ZNF737: variants seen among roughly 807,000 people sequenced by gnomAD.
ZNF737 encodes the protein zinc finger protein 102 (Y3).
ZNF737 carries 13 observed loss-of-function variants against 11.7 expected under a neutral mutation model. That is an observed-to-expected ratio of 1.11 (90% confidence interval 0.73 to 1.77). The LOEUF (loss-of-function observed/expected upper bound fraction) is 1.77, where lower values mean the gene tolerates loss of function less well. ZNF737 is among the 40% of genes most tolerant of loss of function. The pLI, the probability that ZNF737 is intolerant of heterozygous loss-of-function variation, is 0.00. For synonymous variants in ZNF737, 217 were observed against 216.2 expected (o/e 1.00, Z -0.03); for missense variants, 636 against 638.0 (o/e 1.00, Z 0.03).
chr19:20,542,659 T>C lies in ZNF737; in HGVS notation c.*1933A>G. The C allele has an allele frequency of 1.0e-6, 1 of 982,124 alleles. No individual in the cohort carries two copies. The highest frequency in any genetic ancestry group is 1.2e-6 in the Non-Finnish European group (1 of 826,948). The allele number at this position is 982,124 out of a possible 1,614,324, so 60.8% of individuals were successfully genotyped here. ...CTATAATAAAGTATTGCTCTGAACA[T>C]TTACGTTATACATTACTTAATAGAA... On this transcript the variant is annotated 3_prime_UTR_variant, in exon 4 of 4. Coordinates refer to ENST00000427401, the MANE Select transcript of ZNF737 (RefSeq NM_001159293.2).
At chr19:20,537,511 A>G, downstream of ZNF737, among the ~76,000 whole-genome samples, 1 of 77,090 alleles carries the variant, frequency 1.3e-5, no homozygotes, top group Non-Finnish European at 2.4e-5. Context: ...CTGGTTTTCT[A>G]TTTTTTTTTT....
Position 20,565,749 on chromosome 19 carries a change from G to T in ZNF737, c.-109C>A. ...CTAGGAGCAGAGGACACACAGCAGT[G>T]AAGACAAGACCTGGAGCTCCGGCTG... On this transcript the variant is annotated 5_prime_UTR_variant, in exon 1 of 4. Coordinates refer to ENST00000427401, the MANE Select transcript of ZNF737 (RefSeq NM_001159293.2). 2 of 1,547,970 alleles carry T rather than the reference G, an allele frequency of 1.3e-6. No individual in the cohort carries two copies. The highest frequency in any genetic ancestry group is 1.8e-6 in the Non-Finnish European group (2 of 1,119,988).
downstream of ZNF737, among the ~76,000 whole-genome samples, chr19:20,530,857 T>G (rs1967808530): frequency 6.7e-6 from 1 of 148,178 alleles, no homozygotes; most frequent in South Asian, 2.2e-4. Context: ...ATCTCTGCAC[T>G]TTGGGGGGCC....
intron 1 of ZNF737, among the ~76,000 whole-genome samples, chr19:20,560,069 G>A (rs182740048): frequency 0.032 from 4,793 of 151,092 alleles, 145 homozygotes; most frequent in East Asian, 0.11. Context: ...GGGAGGCTGA[G>A]GCAGGAGAAT....
downstream of ZNF737, among the ~76,000 whole-genome samples, chr19:20,531,428 T>C (rs1203009263): frequency 7.0e-6 from 1 of 143,052 alleles, no homozygotes; most frequent in Non-Finnish European, 1.5e-5. Context: ...AAAAGTACTT[T>C]AAAGGTTTTG....
chr19:20,545,312 G>C lies in ZNF737; in HGVS notation c.891C>G (p.Ser297=), dbSNP rs1274675067. The change falls in exon 4 of 4, where the codon TCC becomes TCG. Residue 297 remains serine, a synonymous_variant. Transcript: ENST00000427401. ...CEECGKAFKR[S]SILTAHKIIH... ...TTATCTTATGCGCAGTAAGGATAGA[G>C]GAGCGCTTAAAGGCCTTGCCACATT... The C allele has an allele frequency of 3.1e-6, 5 of 1,612,658 alleles. No homozygotes were observed. The highest frequency in any genetic ancestry group is 2.7e-5 in the African/African-American group (2 of 74,702).
At chr19:20,548,972 A>AC (rs1968561113) in intron 3 of ZNF737, among the ~76,000 whole-genome samples, 2 of 118,354 alleles carry the variant, frequency 1.7e-5, no homozygotes, top group Admixed American at 9.0e-5. Context: ...GAAAAAAAAA[A>AC]AAAAAAAACA....
In ZNF737 at chr19:20,560,170, C is replaced by A. The variant is rs1365116779; in HGVS notation, c.3+5468G>T. On this transcript the variant is annotated intron_variant, in intron 1 of 3. Coordinates refer to ENST00000427401, the MANE Select transcript of ZNF737 (RefSeq NM_001159293.2). ...CCTGGGCGACAGAGCGAGACTCCGT[C>A]TCAAAAAAAAAAAAAAAAAAAAAAA... is the stretch of plus-strand genomic sequence containing the variant. 2.1e-3 allele frequency among the ~76,000 whole-genome samples: 111 copies of A among 53,404 alleles called. 1 individual carries two copies. Among genetic ancestry groups the A allele is most frequent in the Non-Finnish European group, 3.8e-3 (102 of 27,050 alleles). The allele number at this position is 53,404 out of a possible 152,430, so 35.0% of individuals were successfully genotyped here.
chr19:20,538,548 T>C lies in ZNF737; in HGVS notation c.*6044A>G. ...CTGTTCAGTGTACTCGTGGCAAAAC[T>C]GCTTTCTGCAAAAAGTAAAAATGGC... On this transcript the variant is annotated 3_prime_UTR_variant, in exon 4 of 4. Coordinates refer to ENST00000427401, the MANE Select transcript of ZNF737 (RefSeq NM_001159293.2). 2 of 709,164 alleles carry C rather than the reference T, an allele frequency of 2.8e-6. No individual in the cohort carries two copies. The highest frequency in any genetic ancestry group is 3.5e-6 in the Non-Finnish European group (2 of 577,660). The allele number at this position is 709,164 out of a possible 1,614,324, so 43.9% of individuals were successfully genotyped here. A position where few individuals can be genotyped will look rare whatever the true frequency, so the allele number is the denominator to read the frequency against.
chr19:20,536,107 C>G, downstream of ZNF737: 1 of 985,214 alleles, frequency 1.0e-6, no homozygotes, highest in East Asian at 1.1e-4. Context: ...ATGAGAGTAG[C>G]AGTTTTCTAG....
chr19:20,531,989 A>G (rs1385148893), downstream of ZNF737, among the ~76,000 whole-genome samples: 1 of 150,334 alleles, frequency 6.7e-6, no homozygotes. Flanking sequence ...GCTAAATAAC[A>G]TGTCAGAATG....
chr19:20,543,109 T>C lies in ZNF737; in HGVS notation c.*1483A>G. On this transcript the variant is annotated 3_prime_UTR_variant, in exon 4 of 4. Transcript: ENST00000427401. ...AAACTCTCTTGATATTTATATACAA[T>C]CTATTTTGAATTAAATATTTTTTAA... The C allele has an allele frequency of 4.2e-6, 4 of 955,670 alleles. No homozygotes were observed. The highest frequency in any genetic ancestry group is 5.0e-6 in the Non-Finnish European group (4 of 803,168). The allele number at this position is 955,670 out of a possible 1,614,324, so 59.2% of individuals were successfully genotyped here. A position where few individuals can be genotyped will look rare whatever the true frequency, so the allele number is the denominator to read the frequency against.
downstream of ZNF737, among the ~76,000 whole-genome samples, chr19:20,534,820 T>G (rs1325817970): frequency 1.3e-5 from 2 of 150,060 alleles, no homozygotes; most frequent in Non-Finnish European, 3.0e-5. Context: ...GGTGAGAGAC[T>G]AAATGACTAC....
downstream of ZNF737, chr19:20,536,224 G>T: frequency 2.1e-6 from 1 of 470,216 alleles, no homozygotes. Context: ...TTTCTATTGA[G>T]TTCCTGTAAT....
chr19:20,540,835 T>C lies in ZNF737; in HGVS notation c.*3757A>G. ...ATATCAACTGGATATAATAATTAAC[T>C]ACTTTTTAGTTTTATTCATTACAAA... On this transcript the variant is annotated 3_prime_UTR_variant, in exon 4 of 4. Transcript: ENST00000427401. 1 of 924,804 alleles carries C rather than the reference T, an allele frequency of 1.1e-6. No individual in the cohort carries two copies. The highest frequency in any genetic ancestry group is 1.3e-6 in the Non-Finnish European group (1 of 775,028). The allele number at this position is 924,804 out of a possible 1,614,324, so 57.3% of individuals were successfully genotyped here.
At chr19:20,564,937 A>ATTT (rs1329314990) in intron 1 of ZNF737, among the ~76,000 whole-genome samples, 1 of 73,844 alleles carries the variant, frequency 1.4e-5, no homozygotes, top group African/African-American at 3.6e-5. Flanking sequence ...CATAACCAGG[A>ATTT]ATTTTTTTTT....
intron 2 of ZNF737, 107 bp downstream of exon 2, chr19:20,553,602 G>A (rs1431789957): frequency 8.6e-7 from 1 of 1,162,634 alleles, no homozygotes; most frequent in Non-Finnish European, 1.2e-6. Context: ...TGAAAAAGTG[G>A]ATCTGAAACT....
At chr19:20,531,033 C>T (rs1349192460), downstream of ZNF737, among the ~76,000 whole-genome samples, 1 of 147,082 alleles carries the variant, frequency 6.8e-6, no homozygotes, top group African/African-American at 2.5e-5. Context: ...GGAGACTAGC[C>T]CGGCCAACAC....
intron 1 of ZNF737, among the ~76,000 whole-genome samples, chr19:20,555,741 G>A (rs1306791290): frequency 1.3e-5 from 2 of 152,150 alleles, no homozygotes; most frequent in Non-Finnish European, 2.9e-5. Flanking sequence ...GAGAAGTAAA[G>A]GTTTGTGAGT....
Sources: allele counts gnomAD v4.1 joint callset (sites outside exome capture counted in the v4.1 genomes callset), GRCh38; gene constraint gnomAD v4.1.1; transcripts MANE v1.5; gene names NCBI Gene and HGNC (gene_info 2026-07-23, HGNC 2026-07-21).